The following CUX1 variants were observed in gnomAD, a reference collection of about 807,000 sequenced individuals.
CUX1 encodes protein CASP.
A neutral mutation model predicts 158.8 loss-of-function variants in CUX1; 31 were observed. The observed-to-expected ratio is 0.20, with a 90% confidence interval of 0.15 to 0.26. The LOEUF is 0.26. Among genes scored for constraint, CUX1 ranks in the 10% least tolerant of loss-of-function variants. The probability of loss-of-function intolerance (pLI) is 1.00; values close to 1 mark genes in which losing one functional copy is unlikely to be tolerated. For synonymous variants in CUX1, 879 were observed against 862.1 expected (o/e 1.02, Z -0.34); for missense variants, 1,589 against 2,014.6 (o/e 0.79, Z 4.04).
intron 1 of CUX1, among the ~76,000 whole-genome samples, chr7:101,849,450 G>A (rs1796042564): frequency 6.6e-6 from 1 of 151,946 alleles, no homozygotes; most frequent in Non-Finnish European, 1.5e-5. Context: ...CTATTCCTGA[G>A]TTAGTTTGCA....
chr7:102,158,992 C>T (rs1282299093), intron 9 of CUX1, among the ~76,000 whole-genome samples: 2 of 151,068 alleles, frequency 1.3e-5, no homozygotes, highest in Non-Finnish European at 3.0e-5. Flanking sequence ...CATCTCACCA[C>T]GGTGTTATCC....
intron 4 of CUX1, among the ~76,000 whole-genome samples, chr7:102,082,193 T>A (rs1041309231): frequency 6.8e-6 from 1 of 146,938 alleles, no homozygotes; most frequent in African/African-American, 2.4e-5. Context: ...ACGTCAGTGG[T>A]CTCCAAACTA....
At chr7:101,915,545 C>T (rs1804090910) in intron 1 of CUX1, among the ~76,000 whole-genome samples, 1 of 152,168 alleles carries the variant, frequency 6.6e-6, no homozygotes, top group Admixed American at 6.5e-5. Context: ...GGTTAATGGT[C>T]TCGAACATGA....
chr7:102,219,298 T>C (rs1554526056), intron 20 of CUX1, among the ~76,000 whole-genome samples: 1 of 152,026 alleles, frequency 6.6e-6, no homozygotes, highest in African/African-American at 2.4e-5. Flanking sequence ...CATTGATCTT[T>C]CCTGGAGTGG....
chr7:101,893,497 G>A (rs1178214777), intron 1 of CUX1, among the ~76,000 whole-genome samples: 2 of 152,104 alleles, frequency 1.3e-5, no homozygotes, highest in African/African-American at 4.8e-5. Context: ...GGTAAGAAGC[G>A]CGTTTGGGGC....
rs1563425975 is a variant in CUX1 at position 102,216,658 on chromosome 7, CCCACACACACTCA to C, written c.3131-10707_3131-10695del. On this transcript the variant is annotated intron_variant, in intron 20 of 23. Transcript: ENST00000292535. ...CCACACACGCACACACACACACTCT[CCCACACACACTCA>C]CACACACACACTCCCCCACACACAC... Among the ~76,000 whole-genome samples, 72 of 74,312 alleles carry C rather than the reference CCCACACACACTCA, an allele frequency of 9.7e-4. No homozygotes were observed. In the South Asian group the frequency reaches 0.036, roughly 37 times the overall value. The allele number at this position is 74,312 out of a possible 152,430, so 48.8% of individuals were successfully genotyped here. A position where few individuals can be genotyped will look rare whatever the true frequency, so the allele number is the denominator to read the frequency against.
chr7:102,115,150 T>C, intron 7 of CUX1, 57 bp from the exon 8 acceptor site: 1 of 1,420,058 alleles, frequency 7.0e-7, no homozygotes, highest in Non-Finnish European at 9.9e-7. Flanking sequence ...ATAGATTACC[T>C]GTGTATGCAT....
chr7:102,050,467 G>A (rs1823360482), intron 3 of CUX1, among the ~76,000 whole-genome samples: 1 of 152,106 alleles, frequency 6.6e-6, no homozygotes, highest in African/African-American at 2.4e-5. Flanking sequence ...TTTGGGGCTG[G>A]TGGTTCCAAA....
chr7:102,045,785 A>G (rs1168410776), intron 3 of CUX1, among the ~76,000 whole-genome samples: 1 of 152,224 alleles, frequency 6.6e-6, no homozygotes, highest in Admixed American at 6.5e-5. Context: ...TCCTCTCGGT[A>G]ACTGCTGGTA....
chr7:102,221,787 A>T (rs912639198), intron 20 of CUX1, among the ~76,000 whole-genome samples: 11 of 151,804 alleles, frequency 7.2e-5, no homozygotes, highest in Admixed American at 1.3e-4. Context: ...GACTTTTTAA[A>T]TGTAACACCT....
chr7:102,115,199 C>T lies in CUX1; in HGVS notation c.608-8C>T, dbSNP rs1554491394. The T allele has an allele frequency of 6.2e-7, 1 of 1,608,764 alleles. No individual in the cohort carries two copies. On this transcript the variant is annotated splice_region_variant and splice_polypyrimidine_tract_variant and intron_variant, in intron 7 of 23. Transcript: ENST00000292535. ...CATTTAAATAGTTAGTAATTCTTTG[C>T]CTTTCAGCCCTGGAAAAAACTCGAA...
intron 3 of CUX1, among the ~76,000 whole-genome samples, chr7:102,062,966 A>G (rs1825096572): frequency 6.6e-6 from 1 of 152,098 alleles, no homozygotes; most frequent in South Asian, 2.1e-4. Context: ...TTAGCTGGGC[A>G]TGGTGGCAGG....
chr7:102,252,472 C>A lies in CUX1; in HGVS notation c.*3430C>A, dbSNP rs193259884. The A allele has an allele frequency of 1.0e-6, 1 of 985,346 alleles. No individual in the cohort carries two copies. The highest frequency in any genetic ancestry group is 1.2e-6 in the Non-Finnish European group (1 of 829,956). 61.0% of individuals were successfully genotyped at this position (985,346 alleles called of 1,614,324 possible). On this transcript the variant is annotated 3_prime_UTR_variant, in exon 24 of 24. Transcript: ENST00000292535. ...GAAACGGTTCCATATAAAACACTAA[C>A]ACTTAATTACAAGCTCCATTATGCC...
At chr7:101,886,660 A>C (rs977441651) in intron 1 of CUX1, among the ~76,000 whole-genome samples, 1 of 152,128 alleles carries the variant, frequency 6.6e-6, no homozygotes, top group Non-Finnish European at 1.5e-5. Context: ...CGTGCACTGC[A>C]TGCCTGGATA....
chr7:102,138,740 G>GTC (rs1834150810), intron 8 of CUX1, among the ~76,000 whole-genome samples: 1 of 152,056 alleles, frequency 6.6e-6, no homozygotes, highest in Non-Finnish European at 1.5e-5. Flanking sequence ...TTCAACGATC[G>GTC]TCTACTCCCT....
At chr7:102,275,175 A>T (rs1197540797) in intron 16 of CUX1, 12 of 1,089,320 alleles carry the variant, frequency 1.1e-5, no homozygotes, top group Non-Finnish European at 1.5e-5. Flanking sequence ...GGGCTGGGGG[A>T]CCCACCCCAA....
intron 10 of CUX1, among the ~76,000 whole-genome samples, chr7:102,173,643 C>T (rs1791974009): frequency 6.6e-6 from 1 of 152,180 alleles, no homozygotes. Flanking sequence ...GATGTGTCTA[C>T]ACGGGGCCCC....
Position 101,936,079 on chromosome 7 carries a change from C to G in CUX1, c.141+19854C>G, listed in dbSNP as rs117432019. Among the ~76,000 whole-genome samples the G allele has an allele frequency of 1.5e-3, 227 of 152,230 alleles. 5 individuals are homozygous for G. The East Asian group carries it at 0.036, about 24-fold the overall frequency. ...TGAGGCTGCAGCAGTGAGCAGAAGG[C>G]CAAGGTCCCTGCCCTCGCGGTGCTT... On this transcript the variant is annotated intron_variant, in intron 2 of 23. Coordinates refer to ENST00000292535, the MANE Select transcript of CUX1 (RefSeq NM_181552.4).
chr7:101,837,646 TAGTG>T (rs2099917160), intron 1 of CUX1, among the ~76,000 whole-genome samples: 1 of 151,498 alleles, frequency 6.6e-6, no homozygotes, highest in Non-Finnish European at 1.5e-5. Flanking sequence ...CTGGGCAACA[TAGTG>T]AGACCCTCTC....
Sources: allele counts gnomAD v4.1 joint callset (sites outside exome capture counted in the v4.1 genomes callset), GRCh38; gene constraint gnomAD v4.1.1; transcripts MANE v1.5; gene names NCBI Gene and HGNC (gene_info 2026-07-23, HGNC 2026-07-21).